VCL: variants seen among roughly 807,000 people sequenced by gnomAD.
VCL encodes epididymis luminal protein 114.
A neutral mutation model predicts 125.7 loss-of-function variants in VCL; 47 were observed. The ratio of observed to expected loss-of-function variants is 0.37; its 90% CI spans 0.30 to 0.48. VCL has a LOEUF of 0.48. Ranked by LOEUF, VCL falls within the 20% of genes least tolerant of loss-of-function variation. VCL has a pLI of 0.99. For synonymous variants in VCL, 458 were observed against 514.6 expected (o/e 0.89, Z 1.49); for missense variants, 1,069 against 1,455.5 (o/e 0.73, Z 4.32).
intron 6 of VCL, among the ~76,000 whole-genome samples, chr10:74,081,359 C>T (rs1018439522): frequency 1.3e-5 from 2 of 152,112 alleles, no homozygotes; most frequent in Non-Finnish European, 2.9e-5. Context: ...AGTGCTGTAT[C>T]TTTTTTTGAA....
At chr10:74,012,621 A>C (rs149530416) in intron 1 of VCL, among the ~76,000 whole-genome samples, 21 of 152,272 alleles carry the variant, frequency 1.4e-4, no homozygotes, top group African/African-American at 2.9e-4. Context: ...ACACACACAC[A>C]GTAGGCCAGC....
intron 1 of VCL, among the ~76,000 whole-genome samples, chr10:74,014,301 G>C (rs999321471): frequency 1.3e-5 from 2 of 150,870 alleles, no homozygotes; most frequent in African/African-American, 4.9e-5. Flanking sequence ...GCTCAATCTC[G>C]GCTCACTGCA....
intron 2 of VCL, 133 bp from the exon 3 acceptor site, chr10:74,070,537 A>G: frequency 7.9e-7 from 1 of 1,272,134 alleles, no homozygotes; most frequent in Non-Finnish European, 1.1e-6. Context: ...AGGTTCTATT[A>G]TCAATTGGTC....
chr10:74,057,523 T>A (rs139722462), intron 2 of VCL, among the ~76,000 whole-genome samples: 3,371 of 152,310 alleles, frequency 0.022, 51 homozygotes, highest in African/African-American at 0.041. Context: ...AGGGCCTGCC[T>A]GTACCCCAAA....
rs111604015 is a variant in VCL, at chr10:74,013,652, G to A, written c.168+15277G>A. Among the ~76,000 whole-genome samples, 84 of 152,016 alleles carry A rather than the reference G, an allele frequency of 5.5e-4. 3 individuals carry two copies. The highest frequency in any genetic ancestry group is 1.1e-3 in the African/African-American group (47 of 41,458). On this transcript the variant is annotated intron_variant, in intron 1 of 21. Transcript: ENST00000211998. ...TTAAAATCCCATTGTTGACACCTTC[G>A]AGATAGGTAACATTGGGGAAGTTAT... is the stretch of plus-strand genomic sequence containing the variant.
intron 8 of VCL, among the ~76,000 whole-genome samples, chr10:74,084,050 A>G (rs1227958011): frequency 6.6e-6 from 1 of 152,000 alleles, no homozygotes; most frequent in Non-Finnish European, 1.5e-5. Context: ...TATTTTTAGT[A>G]CAGACGGGGT....
chr10:74,051,883 C>T (rs1399139593), intron 2 of VCL, among the ~76,000 whole-genome samples: 1 of 152,122 alleles, frequency 6.6e-6, no homozygotes, highest in African/African-American at 2.4e-5. Context: ...TTTATTGAAG[C>T]AGCAGTGTAC....
intron 1 of VCL, among the ~76,000 whole-genome samples, chr10:74,012,163 CTCTT>C (rs1485879246): frequency 6.6e-6 from 1 of 152,202 alleles, no homozygotes; most frequent in African/African-American, 2.4e-5. Flanking sequence ...TTCCAGCCTT[CTCTT>C]TGTCCTCTCT....
chr10:74,078,033 A>G (rs1415754387), intron 6 of VCL, among the ~76,000 whole-genome samples: 1 of 152,204 alleles, frequency 6.6e-6, no homozygotes. Context: ...CACAATTCTA[A>G]TTCTACCCTT....
At chr10:74,055,955 A>T (rs1173819451) in intron 2 of VCL, among the ~76,000 whole-genome samples, 2 of 152,184 alleles carry the variant, frequency 1.3e-5, no homozygotes, top group East Asian at 3.8e-4. Context: ...TGTGACTTAT[A>T]CACATCTTTA....
rs764174200 is a variant in VCL, at chr10:74,082,482, C to T, written c.812C>T (p.Ala271Val). The change falls in exon 7 of 22, where the codon GCC becomes GTC. Residue 271 changes from alanine (A) to valine (V), a missense_variant. Coordinates refer to ENST00000211998, the MANE Select transcript of VCL (RefSeq NM_014000.3). ...KDTEAMKRAL[A>V]SIDSKLNQAK... is the part of the protein sequence containing the mutation. ...ACTGAAGCCATGAAGAGAGCATTGG[C>T]CTCCATAGACTCCAAACTGAACCAG... 1.2e-6 allele frequency: 2 copies of T among 1,614,114 alleles called. No individual in the cohort carries two copies. The highest frequency in any genetic ancestry group is 2.2e-5 in the South Asian group (2 of 91,084).
chr10:74,064,363 A>G (rs1021452005), intron 2 of VCL, among the ~76,000 whole-genome samples: 12 of 151,984 alleles, frequency 7.9e-5, no homozygotes, highest in African/African-American at 2.9e-4. Flanking sequence ...TTTTGAAGCT[A>G]TCTAGGGTCC....
intron 1 of VCL, among the ~76,000 whole-genome samples, chr10:74,031,277 C>T (rs1840869022): frequency 6.6e-6 from 1 of 152,052 alleles, no homozygotes; most frequent in Non-Finnish European, 1.5e-5. Flanking sequence ...GAGTGGCTTT[C>T]CTCCTGGTAA....
intron 2 of VCL, among the ~76,000 whole-genome samples, chr10:74,062,177 C>A (rs1429678368): frequency 6.6e-6 from 1 of 151,974 alleles, no homozygotes; most frequent in Non-Finnish European, 1.5e-5. Flanking sequence ...GTGATCCAGC[C>A]ACCTCAGCCT....
intron 16 of VCL, 47 bp downstream of exon 16, chr10:74,105,400 T>C: frequency 6.2e-7 from 1 of 1,610,340 alleles, no homozygotes; most frequent in Non-Finnish European, 8.5e-7. Context: ...AGAGGTTAAC[T>C]CAGGAAAGGT....
At chr10:74,040,710 A>G (rs1564515455) in intron 1 of VCL, among the ~76,000 whole-genome samples, 2 of 152,262 alleles carry the variant, frequency 1.3e-5, no homozygotes, top group Admixed American at 1.3e-4. Context: ...TATTGTCTAT[A>G]AAAGCATTGG....
intron 6 of VCL, chr10:74,075,166 C>G: frequency 2.2e-6 from 1 of 464,774 alleles, no homozygotes; most frequent in East Asian, 4.1e-5. Flanking sequence ...TTCCATCAGG[C>G]TGGAGTCTTA....
chr10:74,025,107 C>T (rs1840747049), intron 1 of VCL, among the ~76,000 whole-genome samples: 1 of 152,170 alleles, frequency 6.6e-6, no homozygotes, highest in African/African-American at 2.4e-5. Context: ...ACCTCTGCCT[C>T]CTGGGTTCAA....
chr10:74,044,896 AG>A (rs1403980546), intron 2 of VCL, among the ~76,000 whole-genome samples: 11 of 152,130 alleles, frequency 7.2e-5, no homozygotes, highest in Non-Finnish European at 1.3e-4. Flanking sequence ...AAAAACAATG[AG>A]GCCAGGTGCA....
Sources: gnomAD v4.1 joint callset for allele counts (sites outside exome capture counted in the v4.1 genomes callset) on GRCh38, gnomAD v4.1.1 for gene constraint, MANE v1.5 for transcripts, NCBI Gene and HGNC (gene_info 2026-07-23, HGNC 2026-07-21) for gene names.